GPCPD1: variants seen among roughly 807,000 people sequenced by gnomAD.
GPCPD1 encodes glycerophosphocholine phosphodiesterase GPCPD1.
GPCPD1 carries 29 observed loss-of-function variants against 89.2 expected under a neutral mutation model. The observed-to-expected ratio is 0.33, with a 90% CI of 0.24 to 0.44. GPCPD1 has a LOEUF of 0.44. GPCPD1 is among the 20% of genes least tolerant of loss of function. GPCPD1 has a pLI of 1.00. For synonymous variants in GPCPD1, 258 were observed against 266.3 expected, an observed-to-expected ratio of 0.97 and a Z score of 0.30; for missense variants, 594 against 808.9, an observed-to-expected ratio of 0.73 and a Z score of 3.22.
chr20:5,598,307 G>A (rs997263082), intron 3 of GPCPD1, among the ~76,000 whole-genome samples: 4 of 152,172 alleles, frequency 2.6e-5, no homozygotes, highest in Non-Finnish European at 4.4e-5. Flanking sequence ...TCAGGAGGCT[G>A]AGGCGCAAGG....
At chr20:5,593,534 A>C (rs1979485837) in intron 3 of GPCPD1, 123 bp from the exon 4 acceptor site, 1 of 619,596 alleles carries the variant, frequency 1.6e-6, no homozygotes, top group South Asian at 1.9e-5. Context: ...ATTCCTACAC[A>C]AAATTTTACA....
At chr20:5,557,128 G>A (rs1426353984) in intron 19 of GPCPD1, among the ~76,000 whole-genome samples, 2 of 152,180 alleles carry the variant, frequency 1.3e-5, no homozygotes, top group Admixed American at 1.3e-4. Context: ...AGGGTTGAAG[G>A]TGGTGGGGTG....
intron 8 of GPCPD1, among the ~76,000 whole-genome samples, chr20:5,576,649 C>T (rs1380912798): frequency 6.6e-6 from 1 of 152,004 alleles, no homozygotes; most frequent in Non-Finnish European, 1.5e-5. Context: ...TTTCTAATCA[C>T]TTTTATGTTG....
chr20:5,561,624 G>T, intron 15 of GPCPD1, 94 bp from the exon 16 acceptor site: 1 of 619,012 alleles, frequency 1.6e-6, no homozygotes, highest in East Asian at 2.9e-5. Context: ...AAAATAATAA[G>T]AATTTATCAT....
chr20:5,554,054 C>T (rs1422872178), intron 19 of GPCPD1, among the ~76,000 whole-genome samples: 2 of 135,946 alleles, frequency 1.5e-5, no homozygotes, highest in Admixed American at 7.2e-5. Context: ...CTGCAAGCTC[C>T]GACTCCTCGG....
Position 5,604,405 on chromosome 20 carries a change from G to A in GPCPD1, c.8C>T (p.Pro3Leu). 1.3e-6 allele frequency: 2 copies of A among 1,565,230 alleles called. No homozygotes were observed. Among genetic ancestry groups the A allele is most frequent in the South Asian group, 1.1e-5 (1 of 88,572 alleles). ...TCTTATTTCAAAGGCAACCTGAGAA[G>A]GTGTCATTCTGATGGATTTATTTTA... MT[P>L]SQVAFEIRGT... Residue 3 changes from proline (P) to leucine (L), a missense_variant, in exon 2 of 20, where the codon CCT becomes CTT. By Grantham distance (98) the Pro-to-Leu change is moderately conservative. Coordinates refer to ENST00000379019, the MANE Select transcript of GPCPD1 (RefSeq NM_019593.5).
intron 8 of GPCPD1, among the ~76,000 whole-genome samples, chr20:5,577,361 A>G (rs752682944): frequency 6.6e-6 from 1 of 151,290 alleles, no homozygotes; most frequent in Non-Finnish European, 1.5e-5. Flanking sequence ...GGTGGTACAC[A>G]CCTGTAGTCC....
chr20:5,568,733 C>T (rs1156649590), intron 12 of GPCPD1, among the ~76,000 whole-genome samples: 5 of 151,922 alleles, frequency 3.3e-5, no homozygotes, highest in African/African-American at 4.8e-5. Flanking sequence ...GGTGAAGCCC[C>T]GTCTCTACTA....
rs559120333 is a variant in GPCPD1, at chr20:5,592,011, TCTG to T, written c.231+1313_231+1315del. Among the ~76,000 whole-genome samples the T allele has an allele frequency of 3.5e-4, 53 of 152,362 alleles. 1 individual carries two copies. In the South Asian group the frequency reaches 0.01, roughly 30 times the overall value. On this transcript the variant is annotated intron_variant, in intron 4 of 19. Coordinates refer to ENST00000379019, the MANE Select transcript of GPCPD1 (RefSeq NM_019593.5). ...TTTTTCAAAAGGTATTTTGGACTGA[TCTG>T]CTGCTTTTGGTAACATTTTCAATGA...
chr20:5,585,313 C>T (rs1320911875), intron 5 of GPCPD1: 1 of 152,072 alleles, frequency 6.6e-6, no homozygotes, highest in Non-Finnish European at 1.5e-5. Flanking sequence ...GAATGAGATA[C>T]TGTTTAAATG....
intron 3 of GPCPD1, among the ~76,000 whole-genome samples, chr20:5,594,849 C>A (rs1979596244): frequency 6.6e-6 from 1 of 152,208 alleles, no homozygotes; most frequent in African/African-American, 2.4e-5. Context: ...GCAAGTCTAT[C>A]AGTGCCATTT....
intron 3 of GPCPD1, among the ~76,000 whole-genome samples, chr20:5,594,233 T>C (rs1351178718): frequency 1.3e-5 from 2 of 152,250 alleles, no homozygotes; most frequent in African/African-American, 2.4e-5. Flanking sequence ...CCCAGACTTA[T>C]TGAATTAGGA....
At chr20:5,603,884 T>C (rs1980362462) in intron 2 of GPCPD1, among the ~76,000 whole-genome samples, 1 of 151,948 alleles carries the variant, frequency 6.6e-6, no homozygotes, top group Non-Finnish European at 1.5e-5. Flanking sequence ...GTAGCTGGGA[T>C]TACAGGCACA....
chr20:5,560,693 G>A (rs1292129585), intron 16 of GPCPD1, among the ~76,000 whole-genome samples: 2 of 152,104 alleles, frequency 1.3e-5, no homozygotes, highest in East Asian at 1.9e-4. Flanking sequence ...ACATTAATGA[G>A]GACCAGCTTG....
In GPCPD1 at chr20:5,545,034, A is replaced by G. The variant is rs1222002242; in HGVS notation, c.*2627T>C. ...TCATTTACAGCACATAATTCCAGAG[A>G]GTAGAAAATACCAGAGGATAATGGC... On this transcript the variant is annotated 3_prime_UTR_variant, in exon 20 of 20. Coordinates refer to ENST00000379019, the MANE Select transcript of GPCPD1 (RefSeq NM_019593.5). The G allele has an allele frequency of 6.6e-6, 1 of 150,908 alleles. No homozygotes were observed. The highest frequency in any genetic ancestry group is 1.5e-5 in the Non-Finnish European group (1 of 67,974). The allele number at this position is 150,908 out of a possible 1,614,324, so 9.3% of individuals were successfully genotyped here. A position where few individuals can be genotyped will look rare whatever the true frequency, so the allele number is the denominator to read the frequency against.
chr20:5,551,298 A>T (rs1985393668), intron 19 of GPCPD1, among the ~76,000 whole-genome samples: 1 of 152,254 alleles, frequency 6.6e-6, no homozygotes, highest in African/African-American at 2.4e-5. Context: ...ACGCATGAAC[A>T]GGAAGTATCT....
At chr20:5,603,306 T>A (rs183699568) in intron 2 of GPCPD1, among the ~76,000 whole-genome samples, 1 of 152,062 alleles carries the variant, frequency 6.6e-6, no homozygotes, top group African/African-American at 2.4e-5. Flanking sequence ...AAAAAAGTAA[T>A]GTTTTCAACA....
rs539508490 is a variant in GPCPD1 at position 5,555,930 on chromosome 20, G to T, written c.1829+2015C>A. ...CTTAAACACCATCATGTGCAACAGA[G>T]AAATATTGTGTAAAAGGAAGAGTCC... On this transcript the variant is annotated intron_variant, in intron 19 of 19. Transcript: ENST00000379019. Among the ~76,000 whole-genome samples, 159 of 152,238 alleles carry T rather than the reference G, an allele frequency of 1.0e-3. 1 individual carries two copies. The highest frequency in any genetic ancestry group is 3.6e-3 in the African/African-American group (151 of 41,532).
intron 6 of GPCPD1, among the ~76,000 whole-genome samples, chr20:5,581,018 C>T (rs552329409): frequency 3.9e-5 from 6 of 151,982 alleles, no homozygotes; most frequent in South Asian, 2.1e-4. Flanking sequence ...GGATTATAGG[C>T]GCCCACCATG....
Sources: gnomAD v4.1 joint callset for allele counts (sites outside exome capture counted in the v4.1 genomes callset) on GRCh38, gnomAD v4.1.1 for gene constraint, MANE v1.5 for transcripts, NCBI Gene and HGNC (gene_info 2026-07-23, HGNC 2026-07-21) for gene names.